The following ATXN10 variants were observed in gnomAD, a reference collection of about 807,000 sequenced individuals.
The protein encoded by ATXN10 is ataxin 10.
Under a neutral mutation model 52.9 loss-of-function variants are expected in ATXN10, and 28 were observed. The observed-to-expected ratio is 0.53, with a 90% CI of 0.39 to 0.73. The LOEUF is 0.73. ATXN10 is among the 30% of genes least tolerant of loss of function. ATXN10 has a pLI of 0.00. For synonymous variants in ATXN10, 226 were observed against 221.5 expected (o/e 1.02, Z -0.18); for missense variants, 565 against 577.0 (o/e 0.98, Z 0.21).
At chr22:45,752,012 T>C (rs1384356597) in intron 9 of ATXN10, among the ~76,000 whole-genome samples, 1 of 152,152 alleles carries the variant, frequency 6.6e-6, no homozygotes, top group East Asian at 1.9e-4. Flanking sequence ...TTTAATTTCA[T>C]GCCCATCATA....
rs1024731172 is a variant in ATXN10, at chr22:45,783,858, C to T, written c.1174-23101C>T. On this transcript the variant is annotated intron_variant, in intron 9 of 11. Coordinates refer to ENST00000252934, the MANE Select transcript of ATXN10 (RefSeq NM_013236.4). This position sits in a 1 kb window ranked among gnomAD's most constrained non-coding sequence, Gnocchi z 5.0. ...TCATGTTTGTGTCATGCTGATGGCA[C>T]GATTCCCGAGGGCACCGAGGAAATG... 1.4e-4 allele frequency among the ~76,000 whole-genome samples: 22 copies of T among 152,212 alleles called. No homozygotes were observed. The highest frequency in any genetic ancestry group is 5.1e-4 in the African/African-American group (21 of 41,458).
At chr22:45,777,328 A>G (rs1926995755) in intron 9 of ATXN10, among the ~76,000 whole-genome samples, 2 of 152,186 alleles carry the variant, frequency 1.3e-5, no homozygotes, top group Admixed American at 6.5e-5. Flanking sequence ...AAATTCTTTA[A>G]TGATGATGGA....
intron 9 of ATXN10, among the ~76,000 whole-genome samples, chr22:45,776,594 G>T (rs1286512225): frequency 3.3e-5 from 5 of 151,914 alleles, no homozygotes; most frequent in African/African-American, 9.7e-5. Context: ...AGGCCAAGCA[G>T]CCTGGTTTGG....
chr22:45,713,506 C>T (rs559095285), intron 5 of ATXN10, among the ~76,000 whole-genome samples: 52 of 152,186 alleles, frequency 3.4e-4, no homozygotes, highest in African/African-American at 1.1e-3. Context: ...CCTATATGAC[C>T]GTTCCTCGTC....
intron 7 of ATXN10, among the ~76,000 whole-genome samples, chr22:45,731,534 G>A (rs577712287): frequency 4.6e-5 from 7 of 152,276 alleles, no homozygotes; most frequent in African/African-American, 1.4e-4. Flanking sequence ...TGATATGAAT[G>A]GTCAGGTAGA....
chr22:45,769,534 C>T lies in ATXN10; in HGVS notation c.1173+28996C>T, dbSNP rs762274689. ...GGAATGGTGGGTAGCAGTTATGTGG[C>T]GATGAAGAGACTATTTCAAAGGAAT... On this transcript the variant is annotated intron_variant, in intron 9 of 11. Coordinates refer to ENST00000252934, the MANE Select transcript of ATXN10 (RefSeq NM_013236.4). The surrounding 1 kb of genome is among the most constrained non-coding windows in gnomAD (Gnocchi z 4.2). 1.3e-5 allele frequency among the ~76,000 whole-genome samples: 2 copies of T among 151,838 alleles called. No homozygotes were observed. Among genetic ancestry groups the T allele is most frequent in the Admixed American group, 6.6e-5 (1 of 15,252 alleles).
Position 45,705,826 on chromosome 22 carries a change from C to T in ATXN10, c.647+2979C>T, listed in dbSNP as rs892050077. On this transcript the variant is annotated intron_variant, in intron 5 of 11. Coordinates refer to ENST00000252934, the MANE Select transcript of ATXN10 (RefSeq NM_013236.4). The surrounding 1 kb of genome is among the most constrained non-coding windows in gnomAD (Gnocchi z 5.2). ...AGGAATTTGCCTGTTTGGTCTAGGC[C>T]GGGGGTCCTCCAGCCCCCGACCTGT... 2.0e-5 allele frequency among the ~76,000 whole-genome samples: 3 copies of T among 152,034 alleles called. No individual in the cohort carries two copies. Among genetic ancestry groups the T allele is most frequent in the South Asian group, 2.1e-4 (1 of 4,820 alleles).
At chr22:45,735,681 T>TA (rs1925264610) in intron 7 of ATXN10, among the ~76,000 whole-genome samples, 4 of 152,046 alleles carry the variant, frequency 2.6e-5, no homozygotes. Flanking sequence ...TTCTGTAACT[T>TA]ACAAAGCTGT....
At chr22:45,815,341 G>A (rs1340411592) in intron 10 of ATXN10, among the ~76,000 whole-genome samples, 1 of 152,190 alleles carries the variant, frequency 6.6e-6, no homozygotes, top group East Asian at 1.9e-4. Context: ...GAAGGGTAGG[G>A]ATTGGCAGGG....
At position 45,718,638 on chromosome 22, in the gene ATXN10, T is replaced by G. The variant is rs1924538700; in HGVS notation, c.728+145T>G. ...GTGTTGGTAATGGTTTTAAATTGGT[T>G]GGTTAACATTACAGCTTAGCCACAG... On this transcript the variant is annotated intron_variant, in intron 6 of 11. Transcript: ENST00000252934. The surrounding 1 kb of genome is among the most constrained non-coding windows in gnomAD (Gnocchi z 4.4). The G allele has an allele frequency of 1.2e-6, 1 of 813,804 alleles. No homozygotes were observed. Among genetic ancestry groups the G allele is most frequent in the African/African-American group, 1.7e-5 (1 of 59,104 alleles). The allele number at this position is 813,804 out of a possible 1,614,324, so 50.4% of individuals were successfully genotyped here.
At position 45,783,613 on chromosome 22, in the gene ATXN10, G is replaced by C. The variant is rs963789570; in HGVS notation, c.1174-23346G>C. ...TGGATGTGAATGGTGCTTTTTGCTTGTCTGTGGGGCCTTCTCTCTCCCTTA... is the reference window on the plus strand; with the variant it reads ...TGGATGTGAATGGTGCTTTTTGCTTCTCTGTGGGGCCTTCTCTCTCCCTTA... On this transcript the variant is annotated intron_variant, in intron 9 of 11. Transcript: ENST00000252934. The surrounding 1 kb of genome is among the most constrained non-coding windows in gnomAD (Gnocchi z 5.0). 2.0e-5 allele frequency among the ~76,000 whole-genome samples: 3 copies of C among 152,132 alleles called. No homozygotes were observed. The highest frequency in any genetic ancestry group is 2.9e-5 in the Non-Finnish European group (2 of 68,024).
chr22:45,839,346 G>T (rs146057821), intron 10 of ATXN10, among the ~76,000 whole-genome samples: 12 of 152,228 alleles, frequency 7.9e-5, no homozygotes, highest in Non-Finnish European at 1.6e-4. Context: ...CCGTGGCTGC[G>T]CCAAGAACCT....
rs1346524649 is a variant in ATXN10 at position 45,786,869 on chromosome 22, A to G, written c.1174-20090A>G. On this transcript the variant is annotated intron_variant, in intron 9 of 11. Transcript: ENST00000252934. This position sits in a 1 kb window ranked among gnomAD's most constrained non-coding sequence, Gnocchi z 4.1. ...CATTTTAACAGTATGTCTCAAAGAC[A>G]CTCAAAGATGGTTTTGTTTTGTTTT... 1.3e-5 allele frequency among the ~76,000 whole-genome samples: 2 copies of G among 152,198 alleles called. No individual in the cohort carries two copies. Among genetic ancestry groups the G allele is most frequent in the Non-Finnish European group, 2.9e-5 (2 of 68,038 alleles).
Position 45,729,552 on chromosome 22 carries a change from G to A in ATXN10, c.856G>A (p.Val286Met), listed in dbSNP as rs1713085640. 1 of 1,614,156 alleles carries A rather than the reference G, an allele frequency of 6.2e-7. No individual in the cohort carries two copies. Reference protein sequence around the residue: ...ASTFVDQCKTVLKLASEEPPD... With the variant: ...ASTFVDQCKTMLKLASEEPPD... ...CACCTTTGTGGATCAGTGCAAGACT[G>A]TGCTCAAGCTGGCCTCTGAGGAGCC... The change falls in exon 7 of 12, where the codon GTG becomes ATG. Residue 286 changes from valine to methionine, a missense_variant. Coordinates refer to ENST00000252934, the MANE Select transcript of ATXN10 (RefSeq NM_013236.4).
Position 45,718,612 on chromosome 22 carries a change from T to G in ATXN10, c.728+119T>G. 2 of 941,010 alleles carry G rather than the reference T, an allele frequency of 2.1e-6. No individual in the cohort carries two copies. Among genetic ancestry groups the G allele is most frequent in the South Asian group, 1.3e-5 (1 of 75,644 alleles). 58.3% of individuals were successfully genotyped at this position (941,010 alleles called of 1,614,324 possible). On this transcript the variant is annotated intron_variant, in intron 6 of 11. Transcript: ENST00000252934. This position sits in a 1 kb window ranked among gnomAD's most constrained non-coding sequence, Gnocchi z 4.4. ...CACAGAATCTCTAAATACATGTTTC[T>G]GTGTTGGTAATGGTTTTAAATTGGT...
chr22:45,741,128 A>C (rs1195617874), intron 9 of ATXN10, among the ~76,000 whole-genome samples: 1 of 152,052 alleles, frequency 6.6e-6, no homozygotes, highest in Admixed American at 6.6e-5. Context: ...ATTTTTCTGG[A>C]GTTTTACTTC....
chr22:45,706,257 C>G (rs1601598490), intron 5 of ATXN10, among the ~76,000 whole-genome samples: 1 of 152,272 alleles, frequency 6.6e-6, no homozygotes, highest in East Asian at 1.9e-4. Flanking sequence ...GGAATGTCCC[C>G]TCTTCATTCC....
At chr22:45,707,005 T>G (rs1236119550) in intron 5 of ATXN10, among the ~76,000 whole-genome samples, 3 of 152,298 alleles carry the variant, frequency 2.0e-5, no homozygotes, top group Middle Eastern at 3.4e-3. Flanking sequence ...TGTCAGTTTT[T>G]GCTTCCCTTA....
At chr22:45,808,154 A>G (rs1315264894) in intron 10 of ATXN10, among the ~76,000 whole-genome samples, 1 of 152,190 alleles carries the variant, frequency 6.6e-6, no homozygotes, top group Non-Finnish European at 1.5e-5. Flanking sequence ...AGTGCGTGGC[A>G]TTATCATGAG....
Sources: gnomAD v4.1 joint callset for allele counts (sites outside exome capture counted in the v4.1 genomes callset) on GRCh38, gnomAD v4.1.1 for gene constraint, Gnocchi (gnomAD v3.1) non-coding constraint, MANE v1.5 for transcripts, NCBI Gene and HGNC (gene_info 2026-07-23, HGNC 2026-07-21) for gene names.